The following NVL variants were observed in gnomAD, a reference collection of about 807,000 sequenced individuals.
NVL encodes the protein nuclear VCP like.
A neutral mutation model predicts 110.2 loss-of-function variants in NVL; 84 were observed. That is an observed-to-expected ratio of 0.76 (90% confidence interval 0.64 to 0.91). The LOEUF is 0.91. Ranked by LOEUF, NVL falls within the 40% of genes least tolerant of loss-of-function variation. NVL has a pLI of 0.00. For synonymous variants in NVL, 354 were observed against 361.1 expected (o/e 0.98, Z 0.22); for missense variants, 882 against 1,035.9 (o/e 0.85, Z 2.04).
chr1:224,326,437 A>G lies in NVL; in HGVS notation c.85T>C (p.Tyr29His). ...QYLTSNKCGK[Y>H]VDIGVLASDL... is the part of the protein sequence containing the mutation. ...GACGCTAAGACTCCAATGTCCACAT[A>G]TTTGCCACATTTGTTACTGGTAAGG... The change falls in exon 2 of 23, where the codon TAT (tyrosine) becomes CAT (histidine). Residue 29 changes from tyrosine to histidine, a missense_variant. Transcript: ENST00000281701. 6.2e-7 allele frequency: 1 copy of G among 1,612,438 alleles called. No homozygotes were observed. Among genetic ancestry groups the G allele is most frequent in the Non-Finnish European group, 8.5e-7 (1 of 1,178,846 alleles).
chr1:224,311,067 A>T (rs548110111), intron 5 of NVL, among the ~76,000 whole-genome samples: 3 of 151,026 alleles, frequency 2.0e-5, no homozygotes, highest in Non-Finnish European at 3.0e-5. Context: ...TTATTTATTT[A>T]TTTTTTTGGA....
chr1:224,298,876 G>A (rs1668131133), intron 10 of NVL, among the ~76,000 whole-genome samples: 1 of 151,878 alleles, frequency 6.6e-6, no homozygotes. Context: ...AATCATCATG[G>A]AAGACATAAA....
At chr1:224,316,821 C>T (rs1266771426) in intron 4 of NVL, among the ~76,000 whole-genome samples, 1 of 151,956 alleles carries the variant, frequency 6.6e-6, no homozygotes, top group Non-Finnish European at 1.5e-5. Flanking sequence ...TATGTCAAAA[C>T]TTAACAAATT....
In NVL at chr1:224,279,174, A is replaced by G. The variant is rs532627834; in HGVS notation, c.1962+1949T>C. Among the ~76,000 whole-genome samples, 14 of 152,376 alleles carry G rather than the reference A, an allele frequency of 9.2e-5. No individual in the cohort carries two copies. The South Asian group carries it at 2.7e-3, about 29-fold the overall frequency. The stretch of plus-strand genomic sequence containing the variant: ...TAAAAATTCATCAGAAAAAAAACTG[A>G]TTTTTAAAGTATGGTTACATTCATT... On this transcript the variant is annotated intron_variant, in intron 16 of 22. Coordinates refer to ENST00000281701, the MANE Select transcript of NVL (RefSeq NM_002533.4).
At chr1:224,322,528 T>G (rs1352941863) in intron 2 of NVL, among the ~76,000 whole-genome samples, 3 of 152,188 alleles carry the variant, frequency 2.0e-5, no homozygotes, top group African/African-American at 7.2e-5. Flanking sequence ...ATTTTGGTAT[T>G]GATAAGTATA....
At chr1:224,276,091 C>T (rs1008534683) in intron 16 of NVL, among the ~76,000 whole-genome samples, 2 of 152,106 alleles carry the variant, frequency 1.3e-5, no homozygotes, top group Non-Finnish European at 2.9e-5. Flanking sequence ...TGAAAAGCTA[C>T]ATGTAAGGAT....
At chr1:224,327,056 C>A (rs146671296) in intron 1 of NVL, among the ~76,000 whole-genome samples, 1 of 152,114 alleles carries the variant, frequency 6.6e-6, no homozygotes, top group East Asian at 1.9e-4. Flanking sequence ...GGTGGGAGAT[C>A]GCTTAAGCCC....
chr1:224,301,870 T>C (rs1167335540), intron 9 of NVL: 1 of 164,516 alleles, frequency 6.1e-6, no homozygotes. Context: ...ATCTTGAAAT[T>C]TCACTTCCTC....
intron 18 of NVL, among the ~76,000 whole-genome samples, chr1:224,251,604 C>T (rs1426094224): frequency 1.3e-5 from 2 of 152,214 alleles, no homozygotes; most frequent in Non-Finnish European, 2.9e-5. Context: ...CGTGCCACTG[C>T]ACTCCAGCCT....
At chr1:224,292,239 A>G (rs1023768522) in intron 12 of NVL, among the ~76,000 whole-genome samples, 23 of 152,222 alleles carry the variant, frequency 1.5e-4, no homozygotes, top group African/African-American at 5.3e-4. Flanking sequence ...CCCTTTCTCT[A>G]TATAAAAAAT....
intron 21 of NVL, among the ~76,000 whole-genome samples, chr1:224,232,453 T>G (rs1558229336): frequency 1.3e-5 from 2 of 152,170 alleles, no homozygotes; most frequent in African/African-American, 2.4e-5. Flanking sequence ...CATAGCTCAT[T>G]GCAGCCTCGA....
intron 16 of NVL, among the ~76,000 whole-genome samples, chr1:224,276,309 C>T (rs1361717577): frequency 2.0e-5 from 3 of 152,182 alleles, no homozygotes; most frequent in Non-Finnish European, 2.9e-5. Context: ...CATCTCGGCT[C>T]ACTGCAACCT....
In NVL at chr1:224,311,706, C is replaced by T. The variant is rs369938011; in HGVS notation, c.342+94G>A. ...AAGTGTTGGGATTAGAGGTGTGAGT[C>T]ACCATGTCCAGCTAATACTGAGTTT... On this transcript the variant is annotated intron_variant, in intron 5 of 22. Transcript: ENST00000281701. 510 of 926,052 alleles carry T rather than the reference C, an allele frequency of 5.5e-4. 13 individuals carry two copies. The South Asian group carries it at 6.7e-3, about 12-fold the overall frequency. 57.4% of individuals were successfully genotyped at this position (926,052 alleles called of 1,614,324 possible).
intron 19 of NVL, among the ~76,000 whole-genome samples, chr1:224,240,230 G>T (rs1036143255): frequency 6.6e-6 from 1 of 152,052 alleles, no homozygotes; most frequent in Non-Finnish European, 1.5e-5. Flanking sequence ...ACCACGCCTG[G>T]CTAATTTTTT....
chr1:224,233,317 A>G (rs1425335985), intron 20 of NVL, 28 bp from the exon 21 acceptor site: 1 of 1,540,774 alleles, frequency 6.5e-7, no homozygotes, highest in East Asian at 2.3e-5. Flanking sequence ...TTATCTACTT[A>G]TTCTTAGATA....
intron 4 of NVL, among the ~76,000 whole-genome samples, chr1:224,314,227 TA>T (rs1051430418): frequency 6.6e-6 from 1 of 151,920 alleles, no homozygotes; most frequent in Non-Finnish European, 1.5e-5. Flanking sequence ...AAATTCAACA[TA>T]AAAAAGTGAT....
At chr1:224,255,477 C>A (rs1176063782) in intron 18 of NVL, among the ~76,000 whole-genome samples, 7 of 152,214 alleles carry the variant, frequency 4.6e-5, no homozygotes, top group Non-Finnish European at 1.0e-4. Flanking sequence ...CAGGCGTGAG[C>A]CACCGCGCCT....
rs189532809 is a variant in NVL at position 224,277,056 on chromosome 1, T to C, written c.1963-1598A>G. Among the ~76,000 whole-genome samples the C allele has an allele frequency of 2.8e-3, 428 of 152,222 alleles. 4 individuals are homozygous for C. Among genetic ancestry groups the C allele is most frequent in the African/African-American group, 9.9e-3 (411 of 41,520 alleles). Reference sequence around the variant, plus strand: ...AACCAAACCCAAAGTATTTCTTTGCTCTTAAAGTACTTTGTATTATTATAA... The same window carrying C: ...AACCAAACCCAAAGTATTTCTTTGCCCTTAAAGTACTTTGTATTATTATAA... On this transcript the variant is annotated intron_variant, in intron 16 of 22. Coordinates refer to ENST00000281701, the MANE Select transcript of NVL (RefSeq NM_002533.4).
intron 2 of NVL, among the ~76,000 whole-genome samples, chr1:224,320,979 C>T (rs958819505): frequency 1.3e-5 from 2 of 152,132 alleles, no homozygotes; most frequent in African/African-American, 2.4e-5. Context: ...GGGCCTGGCA[C>T]GGTGGCTCAT....
Sources: allele counts gnomAD v4.1 joint callset (sites outside exome capture counted in the v4.1 genomes callset), GRCh38; gene constraint gnomAD v4.1.1; transcripts MANE v1.5; gene names NCBI Gene and HGNC (gene_info 2026-07-23, HGNC 2026-07-21).